ADPRHL1: variants seen among roughly 807,000 people sequenced by gnomAD.
The protein encoded by ADPRHL1 is ADP-ribosylhydrolase like 1.
In ADPRHL1, 43 loss-of-function variants were observed where a neutral mutation model predicts 44.1. That is an observed-to-expected ratio of 0.98 (90% confidence interval 0.76 to 1.26). The LOEUF (loss-of-function observed/expected upper bound fraction) is 1.26. ADPRHL1 is among the 50% of genes most tolerant of loss of function. The probability of loss-of-function intolerance (pLI) is 0.00; values close to 1 mark genes in which losing one functional copy is unlikely to be tolerated. For synonymous variants in ADPRHL1, 878 were observed against 1,017.4 expected (o/e 0.86, Z 2.61); for missense variants, 2,022 against 2,496.9 (o/e 0.81, Z 4.05).
Position 113,404,610 on chromosome 13 carries a change from ACT to A in ADPRHL1, c.4670_4671del (p.Gln1557LeufsTer266). The A allele has an allele frequency of 7.7e-7, 1 of 1,294,276 alleles. No homozygotes were observed. Among genetic ancestry groups the A allele is most frequent in the Admixed American group, 4.1e-5 (1 of 24,144 alleles). The allele number at this position is 1,294,276 out of a possible 1,614,324, so 80.2% of individuals were successfully genotyped here. A position where few individuals can be genotyped will look rare whatever the true frequency, so the allele number is the denominator to read the frequency against. The part of the protein sequence containing the change: ...QAQGHAQEQA[Q>X]WQTQIEAQGQ... ...CCCTGGGCCTCTATCTGGGTCTGCCACTGGGCCTGTTCTTGAGCGTGTCCCTG... is the reference window on the plus strand; with the variant it reads ...CCCTGGGCCTCTATCTGGGTCTGCCAGGGCCTGTTCTTGAGCGTGTCCCTG... On this transcript the variant is annotated frameshift_variant, in exon 8 of 8. Transcript: ENST00000612156. LOFTEE classifies it low-confidence loss of function (END_TRUNC).
rs2043815441 is a variant in ADPRHL1 at position 113,407,181 on chromosome 13, C to T, written c.2101G>A (p.Ala701Thr). 1.3e-5 allele frequency: 16 copies of T among 1,232,248 alleles called. 1 individual carries two copies. Among genetic ancestry groups the T allele is most frequent in the Non-Finnish European group, 1.4e-5 (14 of 988,048 alleles). The allele number at this position is 1,232,248 out of a possible 1,614,324, so 76.3% of individuals were successfully genotyped here. The change falls in exon 8 of 8, where the codon GCT (alanine) becomes ACT (threonine). Residue 701 changes from alanine to threonine, a missense_variant. Physicochemically the swap from Ala to Thr is moderately conservative, Grantham distance 58 (BLOSUM62 0). Coordinates refer to ENST00000612156, the MANE Select transcript of ADPRHL1 (RefSeq NM_001394807.1). ...PQVMAQRDGH[A>T]VPSLAFSCAP... Reference sequence around the variant, plus strand: ...CAAGAGAAGGCCAGCGAGGGGACAGCGTGGCCGTCCCTCTGAGCCATCACC... The same window carrying T: ...CAAGAGAAGGCCAGCGAGGGGACAGTGTGGCCGTCCCTCTGAGCCATCACC...
Position 113,403,332 on chromosome 13 carries a change from G to A in ADPRHL1, c.*46C>T. 3.3e-6 allele frequency: 4 copies of A among 1,230,272 alleles called. No homozygotes were observed. Among genetic ancestry groups the A allele is most frequent in the Non-Finnish European group, 4.1e-6 (4 of 986,550 alleles). The allele number at this position is 1,230,272 out of a possible 1,614,324, so 76.2% of individuals were successfully genotyped here. On this transcript the variant is annotated 3_prime_UTR_variant, in exon 8 of 8. Coordinates refer to ENST00000612156, the MANE Select transcript of ADPRHL1 (RefSeq NM_001394807.1). ...GGAAAATGCCTGAAGTCCCTCAATGGGCGGATGTCACAGTGCTGGGCGAGC... is the reference window on the plus strand; with the variant it reads ...GGAAAATGCCTGAAGTCCCTCAATGAGCGGATGTCACAGTGCTGGGCGAGC...
At chr13:113,418,971 C>G (rs111311153) in intron 7 of ADPRHL1, among the ~76,000 whole-genome samples, 1 of 37,994 alleles carries the variant, frequency 2.6e-5, no homozygotes, top group South Asian at 1.1e-3. Flanking sequence ...ATAATGTGCC[C>G]TCTTTTCCTT....
At position 113,404,557 on chromosome 13, in the gene ADPRHL1, C is replaced by G; in HGVS notation, c.4725G>C (p.Gly1575=). The G allele has an allele frequency of 7.7e-7, 1 of 1,300,746 alleles. No homozygotes were observed. Among genetic ancestry groups the G allele is most frequent in the Non-Finnish European group, 9.7e-7 (1 of 1,029,360 alleles). 80.6% of individuals were successfully genotyped at this position (1,300,746 alleles called of 1,614,324 possible). ...CCTGTCCCTGAACCTGTCCCTGGGC[C>G]CCACCCTGAGCTGGTTCCTGTGCCT... The part of the protein sequence containing the change: ...QGQAQEPAQG[G]AQGQVQGQAQ... The change falls in exon 8 of 8, where the codon GGG becomes GGC. Residue 1575 remains glycine, a synonymous_variant. Transcript: ENST00000612156.
chr13:113,417,265 A>C (rs565995053), intron 7 of ADPRHL1, among the ~76,000 whole-genome samples: 1 of 152,200 alleles, frequency 6.6e-6, no homozygotes, highest in Non-Finnish European at 1.5e-5. Context: ...CGCCGGCACC[A>C]CCAGGGCCCC....
At chr13:113,417,240 G>A (rs117078558) in intron 7 of ADPRHL1, among the ~76,000 whole-genome samples, 5,532 of 152,254 alleles carry the variant, frequency 0.036, 143 homozygotes, top group Middle Eastern at 0.085. Context: ...CAATCTGCAG[G>A]CTGGTCATGG....
chr13:113,406,989 AC>A lies in ADPRHL1; in HGVS notation c.2292del (p.Trp765GlyfsTer18). On this transcript the variant is annotated frameshift_variant, in exon 8 of 8. Transcript: ENST00000612156. LOFTEE classifies it low-confidence loss of function (END_TRUNC). ...GVQEVRGARL[T>X]WPPGPPGECA... is the part of the protein sequence containing the mutation. ...CACTCGCCTGGGGGCCCAGGAGGCC[AC>A]GTGAGCCTGGCTCCCCTCACCTCCT... The A allele has an allele frequency of 8.1e-7, 1 of 1,232,208 alleles. No homozygotes were observed. The allele number at this position is 1,232,208 out of a possible 1,614,324, so 76.3% of individuals were successfully genotyped here. A position where few individuals can be genotyped will look rare whatever the true frequency, so the allele number is the denominator to read the frequency against.
At chr13:113,443,958 T>A (rs945508332) in intron 2 of ADPRHL1, among the ~76,000 whole-genome samples, 28 of 149,246 alleles carry the variant, frequency 1.9e-4, no homozygotes, top group African/African-American at 6.6e-4. Context: ...AAAAAAAAAA[T>A]TTAAAGCGTG....
rs1205565094 is a variant in ADPRHL1 at position 113,405,776 on chromosome 13, G to A, written c.3506C>T (p.Pro1169Leu). ...HPRGEALPRDPHSHGLLAPGG... is the reference protein window; with the variant it reads ...HPRGEALPRDLHSHGLLAPGG... ...AGGGGCCAGGAGGCCGTGGCTGTGA[G>A]GGTCTCGAGGGAGAGCCTCTCCTCT... is the stretch of plus-strand genomic sequence containing the variant. The change falls in exon 8 of 8, where the codon CCT becomes CTT. Residue 1169 changes from proline (P) to leucine (L), a missense_variant. By Grantham distance (98) the Pro-to-Leu change is moderately conservative. Transcript: ENST00000612156. The A allele has an allele frequency of 8.1e-7, 1 of 1,231,668 alleles. No homozygotes were observed. Among genetic ancestry groups the A allele is most frequent in the African/African-American group, 1.6e-5 (1 of 64,430 alleles). 76.3% of individuals were successfully genotyped at this position (1,231,668 alleles called of 1,614,324 possible).
At chr13:113,438,812 C>T (rs898547661) in intron 2 of ADPRHL1, among the ~76,000 whole-genome samples, 1 of 152,170 alleles carries the variant, frequency 6.6e-6, no homozygotes, top group African/African-American at 2.4e-5. Context: ...GTGTGAGCCA[C>T]CACACCTGGC....
intron 4 of ADPRHL1, among the ~76,000 whole-genome samples, chr13:113,427,865 G>GCCT (rs2043978225): frequency 6.9e-6 from 1 of 144,032 alleles, no homozygotes; most frequent in Non-Finnish European, 1.5e-5. Flanking sequence ...GGGTATCCGT[G>GCCT]CCTGCACCCC....
chr13:113,414,684 T>TG (rs796263952), intron 7 of ADPRHL1, among the ~76,000 whole-genome samples: 25 of 151,430 alleles, frequency 1.7e-4, no homozygotes, highest in African/African-American at 6.1e-4. Flanking sequence ...TTTCTGTTTT[T>TG]TTTTTTTTTT....
chr13:113,432,539 T>C (rs944714178), intron 3 of ADPRHL1, among the ~76,000 whole-genome samples: 4 of 152,232 alleles, frequency 2.6e-5, no homozygotes, highest in African/African-American at 9.6e-5. Context: ...GCCCACCAGT[T>C]GGGTCACGTG....
chr13:113,437,087 G>C lies in ADPRHL1; in HGVS notation c.380-3220C>G, dbSNP rs540695151. Among the ~76,000 whole-genome samples the C allele has an allele frequency of 2.2e-3, 331 of 147,996 alleles. 1 individual carries two copies. The highest frequency in any genetic ancestry group is 3.9e-3 in the Non-Finnish European group (262 of 66,838). ...CCCCGGGACCCAGCACCCACACGTA[G>C]AGTGAACATAGGTGTACCCCGGGAC... On this transcript the variant is annotated intron_variant, in intron 2 of 7. Transcript: ENST00000612156.
intron 7 of ADPRHL1, among the ~76,000 whole-genome samples, chr13:113,416,070 C>T (rs1483540189): frequency 2.0e-5 from 3 of 151,646 alleles, no homozygotes; most frequent in Non-Finnish European, 4.4e-5. Flanking sequence ...TGGCCAATCC[C>T]CTCCCCAGCA....
rs756251846 is a variant in ADPRHL1, at chr13:113,429,035, G to A, written c.563C>T (p.Pro188Leu). ...LFVSFAAQGK[P>L]LVQWGRDMLR... ...CATGTCTCTCCCCCACTGGACCAGG[G>A]GCTTTCCTTGTGCGGCGAACGACAC... The change falls in exon 4 of 8, where the codon CCC becomes CTC. Residue 188 changes from proline to leucine, a missense_variant. By Grantham distance (98) the Pro-to-Leu change is moderately conservative. Coordinates refer to ENST00000612156, the MANE Select transcript of ADPRHL1 (RefSeq NM_001394807.1). 4.3e-6 allele frequency: 7 copies of A among 1,612,846 alleles called. No individual in the cohort carries two copies. Among genetic ancestry groups the A allele is most frequent in the Middle Eastern group, 3.3e-4 (2 of 6,062 alleles).
At chr13:113,449,154 G>T in intron 1 of ADPRHL1, 1 of 1,020,526 alleles carries the variant, frequency 9.8e-7, no homozygotes. Flanking sequence ...TGTTCAGAGA[G>T]GCTCACCCGG....
intron 2 of ADPRHL1, among the ~76,000 whole-genome samples, chr13:113,443,194 C>T (rs971901510): frequency 4.6e-5 from 7 of 152,298 alleles, no homozygotes; most frequent in Admixed American, 3.3e-4. Flanking sequence ...TGATTCTTTG[C>T]ATGCCTCATA....
rs145447682 is a variant in ADPRHL1, at chr13:113,403,268, C to T, written c.*110G>A. 11 of 919,024 alleles carry T rather than the reference C, an allele frequency of 1.2e-5. No homozygotes were observed. The East Asian group carries it at 1.6e-4, about 14-fold the overall frequency. 56.9% of individuals were successfully genotyped at this position (919,024 alleles called of 1,614,324 possible). A position where few individuals can be genotyped will look rare whatever the true frequency, so the allele number is the denominator to read the frequency against. Reference sequence around the variant, plus strand: ...AGGGAAAGAAAATTATGGAAACAGGCGTCTCTGTAGGGGATGCTCCAAGAC... The same window carrying T: ...AGGGAAAGAAAATTATGGAAACAGGTGTCTCTGTAGGGGATGCTCCAAGAC... On this transcript the variant is annotated 3_prime_UTR_variant, in exon 8 of 8. Transcript: ENST00000612156.
Sources: gnomAD v4.1 joint callset for allele counts (sites outside exome capture counted in the v4.1 genomes callset) on GRCh38, gnomAD v4.1.1 for gene constraint, MANE v1.5 for transcripts, NCBI Gene and HGNC (gene_info 2026-07-23, HGNC 2026-07-21) for gene names.